DAB1: variants seen among roughly 807,000 people sequenced by gnomAD.
The protein encoded by DAB1 is DAB adaptor protein 1.
Under a neutral mutation model 64.6 loss-of-function variants are expected in DAB1, and 15 were observed. The observed-to-expected ratio is 0.23, with a 90% confidence interval of 0.16 to 0.36. DAB1 has a LOEUF of 0.36. Ranked by LOEUF, DAB1 falls within the 10% of genes least tolerant of loss-of-function variation. The pLI is 1.00. For missense variants in DAB1, 596 were observed against 706.7 expected, an observed-to-expected ratio of 0.84 and a Z score of 1.78; for synonymous variants, 235 against 251.9, an observed-to-expected ratio of 0.93 and a Z score of 0.64.
intron 7 of DAB1, among the ~76,000 whole-genome samples, chr1:57,599,061 T>C (rs1201603894): frequency 6.7e-6 from 1 of 149,848 alleles, no homozygotes; most frequent in African/African-American, 2.5e-5. Flanking sequence ...CCTCTAGCCT[T>C]CTAAATTCTA....
chr1:57,816,657 T>C (rs1462535478), intron 6 of DAB1, among the ~76,000 whole-genome samples: 2 of 152,226 alleles, frequency 1.3e-5, no homozygotes, highest in African/African-American at 2.4e-5. Context: ...GAATTCATTA[T>C]TATGAGAAAT....
chr1:57,348,578 ACAT>A (rs1218495484), intron 1 of DAB1, among the ~76,000 whole-genome samples: 3 of 152,138 alleles, frequency 2.0e-5, no homozygotes, highest in African/African-American at 7.2e-5. Context: ...AGTTATGTAT[ACAT>A]CATCTGTTCA....
chr1:57,833,055 G>T (rs945553418), intron 1 of DAB1, among the ~76,000 whole-genome samples: 1 of 104,990 alleles, frequency 9.5e-6, no homozygotes, highest in African/African-American at 3.8e-5. Flanking sequence ...GCCTGGGAAG[G>T]ACTGAGACTG....
intron 1 of DAB1, among the ~76,000 whole-genome samples, chr1:58,540,077 C>T (rs1175182057): frequency 6.6e-6 from 1 of 152,148 alleles, no homozygotes; most frequent in African/African-American, 2.4e-5. Flanking sequence ...ACAGGGCTCA[C>T]ACAGGGCATG....
intron 7 of DAB1, among the ~76,000 whole-genome samples, chr1:57,539,976 GC>G (rs1217874104): frequency 1.3e-5 from 2 of 152,128 alleles, no homozygotes; most frequent in Non-Finnish European, 2.9e-5. Flanking sequence ...ATAAACAGAT[GC>G]CACATTTTGG....
intron 5 of DAB1, among the ~76,000 whole-genome samples, chr1:57,961,975 A>G (rs1048373975): frequency 6.6e-6 from 1 of 151,910 alleles, no homozygotes; most frequent in East Asian, 1.9e-4. Flanking sequence ...TCTGTCTCAA[A>G]AAAAAAAAAA....
intron 3 of DAB1, among the ~76,000 whole-genome samples, chr1:58,501,867 C>A (rs750191253): frequency 3.3e-5 from 5 of 152,034 alleles, no homozygotes; most frequent in Non-Finnish European, 5.9e-5. Context: ...GGGCCCTGAT[C>A]GAATAGGATT....
At chr1:57,968,851 A>G (rs1448798911) in intron 5 of DAB1, among the ~76,000 whole-genome samples, 1 of 152,180 alleles carries the variant, frequency 6.6e-6, no homozygotes, top group Non-Finnish European at 1.5e-5. Flanking sequence ...AAAACTGTAG[A>G]ACCTACCCAG....
intron 8 of DAB1, 80 bp downstream of exon 8, chr1:57,069,280 C>A (rs1651221757): frequency 8.3e-7 from 1 of 1,197,934 alleles, no homozygotes. Flanking sequence ...CCAACAGAAC[C>A]CTTGGTTCTT....
intron 5 of DAB1, among the ~76,000 whole-genome samples, chr1:58,126,502 T>C (rs1196824340): frequency 6.6e-6 from 1 of 151,632 alleles, no homozygotes; most frequent in South Asian, 2.1e-4. Context: ...CATGTGCACA[T>C]TGTGCAGGTT....
chr1:58,126,671 A>C (rs549823073), intron 5 of DAB1, among the ~76,000 whole-genome samples: 2,078 of 135,152 alleles, frequency 0.015, 45 homozygotes, highest in African/African-American at 0.055. Context: ...ATGTGATCTC[A>C]TTGTTCAATT....
chr1:57,695,290 GAGAGAGAAGGAAAGAAAGAAAGAA>G (rs1646813086), intron 6 of DAB1, among the ~76,000 whole-genome samples: 4 of 64,772 alleles, frequency 6.2e-5, no homozygotes, highest in African/African-American at 2.5e-4. Context: ...GGAAGAAAGG[GAGAGAGAAGGAAAGAAAGAAAGAA>G]AGAAAGAAAG....
At chr1:57,856,412 C>G (rs1483219927) in intron 1 of DAB1, among the ~76,000 whole-genome samples, 1 of 152,176 alleles carries the variant, frequency 6.6e-6, no homozygotes, top group African/African-American at 2.4e-5. Context: ...TTATTTCTAG[C>G]ATCTAGCACT....
At chr1:57,150,943 C>G (rs1659609015) in intron 2 of DAB1, among the ~76,000 whole-genome samples, 1 of 152,060 alleles carries the variant, frequency 6.6e-6, no homozygotes, top group African/African-American at 2.4e-5. Flanking sequence ...ATTGCTTGAG[C>G]CCAGCAGTTT....
At position 57,848,837 on chromosome 1, in the gene DAB1, A is replaced by G. The variant is rs116246692; in HGVS notation, n.88-22382T>C. On this transcript the variant is annotated intron_variant and non_coding_transcript_variant, in intron 1 of 1. Coordinates refer to the DAB1 transcript ENST00000477280. ...GTGTTTAGTAATGGGGAGCAGCTAC[A>G]TGATTCCTATTTTTCAAAGGGGGTG... Among the ~76,000 whole-genome samples the G allele has an allele frequency of 5.0e-3, 765 of 152,290 alleles. 3 individuals carry two copies. The highest frequency in any genetic ancestry group is 0.016 in the African/African-American group (684 of 41,562).
At chr1:57,989,524 C>T (rs899150106) in intron 5 of DAB1, among the ~76,000 whole-genome samples, 1 of 152,110 alleles carries the variant, frequency 6.6e-6, no homozygotes, top group African/African-American at 2.4e-5. Context: ...ATGAAGATGC[C>T]CTCACCCCTC....
At chr1:57,817,122 G>A (rs1651891050) in intron 6 of DAB1, among the ~76,000 whole-genome samples, 1 of 143,350 alleles carries the variant, frequency 7.0e-6, no homozygotes, top group South Asian at 2.2e-4. Context: ...TGAATGAAGA[G>A]AGGTGAAGCA....
chr1:58,510,582 C>T (rs556428944), intron 2 of DAB1, among the ~76,000 whole-genome samples: 15 of 152,238 alleles, frequency 9.9e-5, no homozygotes, highest in African/African-American at 3.6e-4. Context: ...AATGACCAAT[C>T]TTGCCACTTC....
rs940702252 is a variant in DAB1 at position 57,565,234 on chromosome 1, G to T, written n.625+84358C>A. Among the ~76,000 whole-genome samples, 4 of 152,176 alleles carry T rather than the reference G, an allele frequency of 2.6e-5. No individual in the cohort carries two copies. The East Asian group carries it at 7.7e-4, about 29-fold the overall frequency. On this transcript the variant is annotated intron_variant and non_coding_transcript_variant, in intron 7 of 20. Transcript: ENST00000485760. ...AGACAAGCAAATGCTGAGAGATTTT[G>T]TCATCACCAGGCCTGTCCTGCAAGA...
Sources: gnomAD v4.1 joint callset for allele counts (sites outside exome capture counted in the v4.1 genomes callset) on GRCh38, gnomAD v4.1.1 for gene constraint, MANE v1.5 for transcripts, NCBI Gene and HGNC (gene_info 2026-07-23, HGNC 2026-07-21) for gene names.